Variants in BACH2 observed in about 807,000 individuals in gnomAD.
BACH2 encodes BACH transcriptional regulator 2, also known as transcription regulator protein BACH2.
A neutral mutation model predicts 61.8 loss-of-function variants in BACH2; 5 were observed. The ratio of observed to expected loss-of-function variants is 0.08; its 90% CI spans 0.04 to 0.17. The LOEUF (loss-of-function observed/expected upper bound fraction) is 0.17. Among genes scored for constraint, BACH2 ranks in the 10% least tolerant of loss-of-function variants. BACH2 has a pLI of 1.00. For missense variants in BACH2, 824 were observed against 1,091.1 expected (o/e 0.76, Z 3.45); for synonymous variants, 446 against 440.1 (o/e 1.01, Z -0.17).
At chr6:90,157,754 T>A (rs1445488605) in intron 4 of BACH2, among the ~76,000 whole-genome samples, 1 of 152,054 alleles carries the variant, frequency 6.6e-6, no homozygotes, top group Non-Finnish European at 1.5e-5. Context: ...TTGCACCAGC[T>A]AGAAAGGGGC....
intron 5 of BACH2, among the ~76,000 whole-genome samples, chr6:90,067,772 T>C (rs1781034407): frequency 6.6e-6 from 1 of 152,198 alleles, no homozygotes; most frequent in African/African-American, 2.4e-5. Flanking sequence ...ACATGGTTGC[T>C]TCTCCCCAGG....
intron 4 of BACH2, among the ~76,000 whole-genome samples, chr6:90,129,927 TG>T (rs938222058): frequency 2.6e-5 from 4 of 152,152 alleles, no homozygotes; most frequent in African/African-American, 9.7e-5. Flanking sequence ...TGGAATGCAG[TG>T]GCGCGATCTC....
chr6:90,096,234 T>C (rs976221060), intron 4 of BACH2, among the ~76,000 whole-genome samples: 7 of 152,222 alleles, frequency 4.6e-5, no homozygotes, highest in Non-Finnish European at 7.3e-5. Flanking sequence ...CCCTTGACTA[T>C]GCAAAGCCCT....
rs765826824 is a variant in BACH2, at chr6:89,950,469, G to A, written c.1637C>T (p.Ser546Phe). 12 of 1,614,048 alleles carry A rather than the reference G, an allele frequency of 7.4e-6. No homozygotes were observed. Among genetic ancestry groups the A allele is most frequent in the Admixed American group, 1.7e-5 (1 of 60,012 alleles). ...GGCTCCCTGGGAACAGGGCGAGGAG[G>A]AGAACTCACAGAGAGGGAGGCTGCA... ...SPCSLPLCEF[S>F]SSPCSQGARF... is the part of the protein sequence containing the mutation. Residue 546 changes from serine (S) to phenylalanine (F), a missense_variant, in exon 7 of 9, where the codon TCC becomes TTC. This residue lies in a region of BACH2 where 160 missense variants were observed against 283.5 expected (regional missense o/e 0.56). Coordinates refer to ENST00000257749, the MANE Select transcript of BACH2 (RefSeq NM_021813.4). The surrounding 1 kb of genome is among the most constrained non-coding windows in gnomAD (Gnocchi z 5.3).
intron 3 of BACH2, among the ~76,000 whole-genome samples, chr6:90,226,174 C>T (rs1769907016): frequency 6.6e-6 from 1 of 152,076 alleles, no homozygotes; most frequent in Admixed American, 6.5e-5. Context: ...CGGTGGTGGC[C>T]ACAGCATGAA....
chr6:90,105,408 T>A (rs185923126), intron 4 of BACH2, among the ~76,000 whole-genome samples: 144 of 152,350 alleles, frequency 9.5e-4, no homozygotes, highest in Non-Finnish European at 4.9e-4. Flanking sequence ...AACACTTTCA[T>A]CTCTTGTGGT....
Position 90,002,204 on chromosome 6 carries a change from C to T in BACH2, c.243+6398G>A, listed in dbSNP as rs370891596. On this transcript the variant is annotated intron_variant, in intron 6 of 8. Transcript: ENST00000257749. ...TTTTCCTCCCACCTCAGGCTTGCTC[C>T]TTCTTGGTCTACCTTGCCGGCTCCT... 4.6e-5 allele frequency among the ~76,000 whole-genome samples: 7 copies of T among 152,288 alleles called. No homozygotes were observed. In the East Asian group the frequency reaches 9.7e-4, roughly 21 times the overall value.
At chr6:90,243,741 C>T (rs1331264357) in intron 3 of BACH2, among the ~76,000 whole-genome samples, 3 of 152,174 alleles carry the variant, frequency 2.0e-5, no homozygotes. Context: ...ATCCTTTTCT[C>T]AGCATTTAAA....
chr6:90,258,997 G>T (rs1186695516), intron 2 of BACH2, among the ~76,000 whole-genome samples: 2 of 152,002 alleles, frequency 1.3e-5, no homozygotes, highest in African/African-American at 4.8e-5. Flanking sequence ...CTACAATATA[G>T]GATCACACCA....
chr6:90,285,414 G>A (rs541944034), intron 1 of BACH2, among the ~76,000 whole-genome samples: 7 of 152,120 alleles, frequency 4.6e-5, no homozygotes, highest in Non-Finnish European at 1.0e-4. Flanking sequence ...CGCCAAGAAA[G>A]CCTAACTAAG....
chr6:89,947,018 T>A (rs1773767736), intron 7 of BACH2, among the ~76,000 whole-genome samples: 1 of 152,214 alleles, frequency 6.6e-6, no homozygotes. Context: ...ACTTCACTTT[T>A]GGTCTAACGT....
intron 6 of BACH2, among the ~76,000 whole-genome samples, chr6:89,962,261 C>T (rs1039880681): frequency 1.3e-5 from 2 of 152,120 alleles, no homozygotes; most frequent in South Asian, 4.1e-4. Flanking sequence ...CTACCTAGGG[C>T]TTCCTTTCCC....
intron 5 of BACH2, among the ~76,000 whole-genome samples, chr6:90,059,748 G>A (rs536729204): frequency 1.2e-3 from 181 of 152,014 alleles, no homozygotes; most frequent in African/African-American, 3.8e-3. Flanking sequence ...ATGATAGACT[G>A]GATTAAGAAA....
chr6:90,199,558 C>T (rs538077607), intron 4 of BACH2, among the ~76,000 whole-genome samples: 2 of 152,254 alleles, frequency 1.3e-5, no homozygotes, highest in South Asian at 4.2e-4. Context: ...TTTAAATTTG[C>T]ACTTCCATAC....
chr6:90,260,757 A>T (rs548249842), intron 2 of BACH2, among the ~76,000 whole-genome samples: 1 of 152,362 alleles, frequency 6.6e-6, no homozygotes, highest in Non-Finnish European at 1.5e-5. Flanking sequence ...AATACAAAAG[A>T]TATATTGAGA....
intron 6 of BACH2, among the ~76,000 whole-genome samples, chr6:89,983,400 G>A (rs1427524882): frequency 6.6e-6 from 1 of 152,194 alleles, no homozygotes; most frequent in African/African-American, 2.4e-5. Flanking sequence ...CAGGCGTGGT[G>A]GCTCATGCCT....
intron 6 of BACH2, among the ~76,000 whole-genome samples, chr6:90,004,764 C>T (rs1387073900): frequency 6.6e-6 from 1 of 152,124 alleles, no homozygotes; most frequent in Non-Finnish European, 1.5e-5. Flanking sequence ...GAAGAACGGC[C>T]CTGCAATGCT....
intron 6 of BACH2, among the ~76,000 whole-genome samples, chr6:90,005,803 T>C (rs1268675257): frequency 6.6e-6 from 1 of 152,222 alleles, no homozygotes; most frequent in African/African-American, 2.4e-5. Flanking sequence ...AAAAAGGATC[T>C]AGTTCTACCT....
At chr6:90,079,939 G>T (rs1781650558) in intron 5 of BACH2, among the ~76,000 whole-genome samples, 1 of 150,632 alleles carries the variant, frequency 6.6e-6, no homozygotes, top group South Asian at 2.1e-4. Flanking sequence ...TCTGTCTCAG[G>T]ACTTTCAGGG....
Sources: allele counts gnomAD v4.1 joint callset (sites outside exome capture counted in the v4.1 genomes callset), GRCh38; gene constraint gnomAD v4.1.1; regional missense constraint gnomAD v4.1.1; non-coding constraint Gnocchi (gnomAD v3.1); transcripts MANE v1.5; gene names NCBI Gene and HGNC (gene_info 2026-07-23, HGNC 2026-07-21).